Variants in LINC00237 observed in about 807,000 individuals in gnomAD.
LINC00237 encodes long intergenic non-protein coding RNA 237.
chr20:21,103,779 C>T (rs539949767), intron 1 of LINC00237, among the ~76,000 whole-genome samples: 67 of 152,294 alleles, frequency 4.4e-4, no homozygotes, highest in African/African-American at 1.4e-3. Flanking sequence ...CGTCCTGGCA[C>T]GTCGAGCGAA....
At chr20:21,086,963 T>TATATATACACTCTATATGTACTATAGTAC (rs1166498875) in intron 3 of LINC00237, among the ~76,000 whole-genome samples, 2 of 142,012 alleles carry the variant, frequency 1.4e-5, no homozygotes, top group Non-Finnish European at 3.0e-5. Context: ...TACTATAGTA[T>TATATATACACTCTATATGTACTATAGTAC]ATATATACAC....
chr20:21,085,577 A>G (rs1445204920), downstream of LINC00237, among the ~76,000 whole-genome samples: 1 of 152,220 alleles, frequency 6.6e-6, no homozygotes, highest in Non-Finnish European at 1.5e-5. Flanking sequence ...GCAAAAGAGT[A>G]CATGTTGTAT....
chr20:21,099,573 C>G (rs2030903670), intron 1 of LINC00237, among the ~76,000 whole-genome samples: 2 of 152,206 alleles, frequency 1.3e-5, no homozygotes, highest in South Asian at 4.1e-4. Flanking sequence ...GGTCATTCTT[C>G]ACCCAGCCCC....
intron 1 of LINC00237, among the ~76,000 whole-genome samples, chr20:21,105,111 T>C (rs1019835893): frequency 1.3e-5 from 2 of 152,198 alleles, no homozygotes; most frequent in African/African-American, 2.4e-5. Flanking sequence ...GCAGGGCCTC[T>C]CTGGGTGAAG....
intron 3 of LINC00237, among the ~76,000 whole-genome samples, chr20:21,086,654 T>C (rs867177509): frequency 1.2e-4 from 15 of 129,842 alleles, no homozygotes; most frequent in East Asian, 4.5e-4. Flanking sequence ...GTATACTATA[T>C]ATGTATAGTA....
chr20:21,105,784 G>A (rs1482440923), intron 1 of LINC00237, among the ~76,000 whole-genome samples: 1 of 152,160 alleles, frequency 6.6e-6, no homozygotes, highest in Admixed American at 6.5e-5. Context: ...CCTCCCCGCA[G>A]CTTCCGGCTC....
exon 3 of LINC00237, chr20:21,088,008 A>G (rs1353056648): frequency 6.6e-6 from 1 of 152,228 alleles, no homozygotes; most frequent in Non-Finnish European, 1.5e-5. Flanking sequence ...GTCCAGCTTC[A>G]AATTCATACC....
chr20:21,087,591 A>G (rs1166314394), intron 3 of LINC00237: 3 of 152,164 alleles, frequency 2.0e-5, no homozygotes, highest in Non-Finnish European at 2.9e-5. Context: ...AAAATGAAAC[A>G]TTGTTGTTCA....
At chr20:21,100,644 A>C (rs888073713) in intron 1 of LINC00237, among the ~76,000 whole-genome samples, 1 of 152,054 alleles carries the variant, frequency 6.6e-6, no homozygotes, top group Admixed American at 6.5e-5. Context: ...CTGTGCGTTC[A>C]TGTTCAACTC....
At chr20:21,095,268 T>G (rs1003510668) in intron 1 of LINC00237, among the ~76,000 whole-genome samples, 1 of 152,056 alleles carries the variant, frequency 6.6e-6, no homozygotes, top group African/African-American at 2.4e-5. Context: ...GGGTACAGAA[T>G]GATTAGAGGT....
intron 1 of LINC00237, among the ~76,000 whole-genome samples, chr20:21,102,388 C>G (rs1038723128): frequency 6.6e-6 from 1 of 152,212 alleles, no homozygotes; most frequent in Non-Finnish European, 1.5e-5. Context: ...ACCCCCTGCT[C>G]CCTGGCTCCT....
At chr20:21,095,422 T>C (rs923139922) in intron 1 of LINC00237, among the ~76,000 whole-genome samples, 1 of 152,174 alleles carries the variant, frequency 6.6e-6, no homozygotes, top group African/African-American at 2.4e-5. Flanking sequence ...TAAACTGTTG[T>C]TGTTGTAAGT....
chr20:21,095,403 G>GA (rs1461519882), intron 1 of LINC00237, among the ~76,000 whole-genome samples: 2 of 151,908 alleles, frequency 1.3e-5, no homozygotes, highest in Non-Finnish European at 1.5e-5. Flanking sequence ...ATGGAATTGT[G>GA]AAAAAAAATA....
At chr20:21,090,800 A>G (rs2030781740) in intron 2 of LINC00237, among the ~76,000 whole-genome samples, 1 of 152,134 alleles carries the variant, frequency 6.6e-6, no homozygotes, top group Admixed American at 6.5e-5. Flanking sequence ...CGCCGGATCA[A>G]CATATTATTG....
At chr20:21,094,113 A>T (rs1568885368) in intron 1 of LINC00237, among the ~76,000 whole-genome samples, 1 of 152,204 alleles carries the variant, frequency 6.6e-6, no homozygotes, top group East Asian at 1.9e-4. Context: ...TGTTTACATC[A>T]CCTAAGCCTC....
At chr20:21,102,224 G>A (rs6047248) in intron 1 of LINC00237, among the ~76,000 whole-genome samples, 1 of 152,250 alleles carries the variant, frequency 6.6e-6, no homozygotes, top group East Asian at 1.9e-4. Context: ...GACACGCTGA[G>A]GCCCCCTGCT....
intron 1 of LINC00237, among the ~76,000 whole-genome samples, chr20:21,103,862 T>C (rs1205956287): frequency 2.0e-5 from 3 of 152,216 alleles, no homozygotes; most frequent in African/African-American, 7.2e-5. Flanking sequence ...AGTGATCTTG[T>C]GGACGGGGGT....
intron 2 of LINC00237, among the ~76,000 whole-genome samples, chr20:21,091,298 G>T (rs111855041): frequency 0.02 from 3,008 of 152,226 alleles, 43 homozygotes; most frequent in Non-Finnish European, 0.029. Context: ...ATATAGGCCC[G>T]ACGAGAGAGC....
intron 1 of LINC00237, among the ~76,000 whole-genome samples, chr20:21,105,654 G>C (rs1342273566): frequency 2.0e-5 from 3 of 152,206 alleles, no homozygotes; most frequent in Admixed American, 6.5e-5. Flanking sequence ...CAGGAGAAAA[G>C]AGTGCCGGCC....
Sources: allele counts gnomAD v4.1 joint callset (sites outside exome capture counted in the v4.1 genomes callset), GRCh38; gene constraint gnomAD v4.1.1; transcripts MANE v1.5; gene names NCBI Gene and HGNC (gene_info 2026-07-23, HGNC 2026-07-21).